The following LYRM7 variants were observed in gnomAD, a reference collection of about 807,000 sequenced individuals.
LYRM7 encodes the protein complex III assembly factor LYRM7.
A neutral mutation model predicts 15.8 loss-of-function variants in LYRM7; 9 were observed. The observed-to-expected ratio is 0.57, with a 90% CI of 0.34 to 0.99. The LOEUF (loss-of-function observed/expected upper bound fraction) is 0.99, where lower values mean the gene tolerates loss of function less well. Ranked by LOEUF, LYRM7 falls within the 50% of genes least tolerant of loss-of-function variation. The probability of loss-of-function intolerance (pLI) is 0.02; values close to 1 mark genes in which losing one functional copy is unlikely to be tolerated. For missense variants in LYRM7, 115 were observed against 119.1 expected (o/e 0.97, Z 0.16); for synonymous variants, 39 against 39.4 (o/e 0.99, Z 0.04).
chr5:131,185,561 T>A (rs776019480), intron 3 of LYRM7, among the ~76,000 whole-genome samples: 6 of 152,216 alleles, frequency 3.9e-5, no homozygotes, highest in Non-Finnish European at 8.8e-5. Flanking sequence ...ATACTACAGA[T>A]CTTCCAGATA....
At chr5:131,181,454 A>T (rs1329723496) in intron 2 of LYRM7, among the ~76,000 whole-genome samples, 3 of 126,816 alleles carry the variant, frequency 2.4e-5, no homozygotes, top group Admixed American at 8.8e-5. Flanking sequence ...ATATATATAA[A>T]ACATATATAT....
At chr5:131,173,459 A>G (rs1044922291) in intron 1 of LYRM7, among the ~76,000 whole-genome samples, 2 of 152,224 alleles carry the variant, frequency 1.3e-5, no homozygotes, top group African/African-American at 2.4e-5. Flanking sequence ...GAAAGTACAT[A>G]TGTTGGCTGG....
chr5:131,197,423 G>A (rs776656344), intron 4 of LYRM7, among the ~76,000 whole-genome samples: 5 of 151,912 alleles, frequency 3.3e-5, no homozygotes, highest in Non-Finnish European at 5.9e-5. Flanking sequence ...ATTTCAGTAA[G>A]CCAAATTTAT....
chr5:131,202,309 A>G lies in LYRM7; in HGVS notation c.*2708A>G, dbSNP rs1445042278. 1 of 152,078 alleles carries G rather than the reference A, an allele frequency of 6.6e-6. No individual in the cohort carries two copies. The highest frequency in any genetic ancestry group is 1.9e-4 in the East Asian group (1 of 5,172). 9.4% of individuals were successfully genotyped at this position (152,078 alleles called of 1,614,324 possible). A position where few individuals can be genotyped will look rare whatever the true frequency, so the allele number is the denominator to read the frequency against. ...CGGAAGTTCGAGACCAGCCCAACCA[A>G]CGTGGAGAAACCCCATCTCTATTAA... is the stretch of plus-strand genomic sequence containing the variant. On this transcript the variant is annotated 3_prime_UTR_variant, in exon 5 of 5. Transcript: ENST00000379380.
chr5:131,181,316 T>TATATATATATATACAC lies in LYRM7; in HGVS notation c.92-912_92-911insTATATATATATACACA, dbSNP rs1208669077. On this transcript the variant is annotated intron_variant, in intron 2 of 4. Transcript: ENST00000379380. ...AAAAAAAAAAAAATATATATATATA[T>TATATATATATATACAC]ACACACACACACACATATATATAAC... Among the ~76,000 whole-genome samples the TATATATATATATACAC allele has an allele frequency of 1.7e-3, 48 of 27,636 alleles. 2 individuals are homozygous for TATATATATATATACAC. The highest frequency in any genetic ancestry group is 2.4e-3 in the Non-Finnish European group (32 of 13,088). The allele number at this position is 27,636 out of a possible 152,430, so 18.1% of individuals were successfully genotyped here. A position where few individuals can be genotyped will look rare whatever the true frequency, so the allele number is the denominator to read the frequency against.
In LYRM7 at chr5:131,203,176, A is replaced by C. The variant is rs1215606533; in HGVS notation, c.*3575A>C. The C allele has an allele frequency of 6.6e-6, 1 of 152,486 alleles. No homozygotes were observed. The highest frequency in any genetic ancestry group is 6.5e-5 in the Admixed American group (1 of 15,300). 9.4% of individuals were successfully genotyped at this position (152,486 alleles called of 1,614,324 possible). Reference sequence around the variant, plus strand: ...CCAGTTCTGAAGGTGAGTTTTCTGAAGCCAAAGTGGATACATGCAAAATTA... The same window carrying C: ...CCAGTTCTGAAGGTGAGTTTTCTGACGCCAAAGTGGATACATGCAAAATTA... On this transcript the variant is annotated 3_prime_UTR_variant, in exon 5 of 5. Coordinates refer to ENST00000379380, the MANE Select transcript of LYRM7 (RefSeq NM_181705.4).
intron 3 of LYRM7, among the ~76,000 whole-genome samples, chr5:131,185,241 A>G (rs780550806): frequency 3.9e-5 from 6 of 152,174 alleles, no homozygotes; most frequent in Non-Finnish European, 7.4e-5. Flanking sequence ...AGAAAAATCT[A>G]AAGTGCTTAA....
chr5:131,181,322 C>T (rs1163766311), intron 2 of LYRM7, among the ~76,000 whole-genome samples: 1,750 of 43,672 alleles, frequency 0.04, 218 homozygotes, highest in African/African-American at 0.14. Flanking sequence ...TATATACACA[C>T]ACACACACAT....
At position 131,181,275 on chromosome 5, in the gene LYRM7, G is replaced by GAAAA. The variant is rs1195878324; in HGVS notation, c.92-929_92-926dup. Among the ~76,000 whole-genome samples the GAAAA allele has an allele frequency of 1.2e-3, 10 of 8,342 alleles. 2 individuals are homozygous for GAAAA. The highest frequency in any genetic ancestry group is 1.4e-3 in the Non-Finnish European group (5 of 3,620). The allele number at this position is 8,342 out of a possible 152,430, so 5.5% of individuals were successfully genotyped here. A position where few individuals can be genotyped will look rare whatever the true frequency, so the allele number is the denominator to read the frequency against. The stretch of plus-strand genomic sequence containing the variant: ...TGGGCGACAAAGCAAGACTCCATCT[G>GAAAA]AAAAAAAAAAAAAAAAAAAAAAAAA... On this transcript the variant is annotated intron_variant, in intron 2 of 4. Transcript: ENST00000379380.
In LYRM7 at chr5:131,202,787, A is replaced by G. The variant is rs949090824; in HGVS notation, c.*3186A>G. 2 of 152,354 alleles carry G rather than the reference A, an allele frequency of 1.3e-5. No individual in the cohort carries two copies. Among genetic ancestry groups the G allele is most frequent in the Non-Finnish European group, 1.5e-5 (1 of 68,034 alleles). 9.4% of individuals were successfully genotyped at this position (152,354 alleles called of 1,614,324 possible). A position where few individuals can be genotyped will look rare whatever the true frequency, so the allele number is the denominator to read the frequency against. On this transcript the variant is annotated 3_prime_UTR_variant, in exon 5 of 5. Transcript: ENST00000379380. ...TATTGAGATCTAGTGAAAGTGGGGT[A>G]TATGAATTCTAATTGCAAATATCCA...
chr5:131,192,469 GC>G (rs1357608601), intron 4 of LYRM7, among the ~76,000 whole-genome samples: 4 of 152,094 alleles, frequency 2.6e-5, no homozygotes, highest in Non-Finnish European at 1.5e-5. Flanking sequence ...TCATAGATAT[GC>G]TAATTACCCT....
Position 131,204,773 on chromosome 5 carries a change from G to A in LYRM7, c.*5172G>A, listed in dbSNP as rs1756147588. The A allele has an allele frequency of 6.6e-6, 1 of 151,144 alleles. No individual in the cohort carries two copies. Among genetic ancestry groups the A allele is most frequent in the East Asian group, 1.9e-4 (1 of 5,314 alleles). The allele number at this position is 151,144 out of a possible 1,614,324, so 9.4% of individuals were successfully genotyped here. A position where few individuals can be genotyped will look rare whatever the true frequency, so the allele number is the denominator to read the frequency against. On this transcript the variant is annotated 3_prime_UTR_variant, in exon 5 of 5. Coordinates refer to ENST00000379380, the MANE Select transcript of LYRM7 (RefSeq NM_181705.4). Reference sequence around the variant, plus strand: ...GTGTGTGTGTGTGTAAGCAGGTGTTGCTAGAAATTCACTTATATACAAGAA... The same window carrying A: ...GTGTGTGTGTGTGTAAGCAGGTGTTACTAGAAATTCACTTATATACAAGAA...
chr5:131,201,887 T>C lies in LYRM7; in HGVS notation c.*2286T>C, dbSNP rs1212410627. 6.6e-6 allele frequency: 1 copy of C among 152,170 alleles called. No homozygotes were observed. Among genetic ancestry groups the C allele is most frequent in the Non-Finnish European group, 1.5e-5 (1 of 68,056 alleles). 9.4% of individuals were successfully genotyped at this position (152,170 alleles called of 1,614,324 possible). On this transcript the variant is annotated 3_prime_UTR_variant, in exon 5 of 5. Transcript: ENST00000379380. ...TTCTGCTGTGTCACCCAGGTTGGAG[T>C]GCAGTGGCATGGTCATGGTCCACTA...
At chr5:131,182,357 A>G (rs1364659310) in intron 3 of LYRM7, 58 bp downstream of exon 3, 18 of 1,264,812 alleles carry the variant, frequency 1.4e-5, no homozygotes, top group Admixed American at 1.0e-4. Context: ...CAAAGAGGAA[A>G]TGATGAAGAT....
Position 131,201,755 on chromosome 5 carries a change from T to C in LYRM7, c.*2154T>C, listed in dbSNP as rs913160007. ...AAATAAATAAAGTTCCTGTGAAGTA[T>C]ATAAACATGTCAACAACAGGCTTGA... On this transcript the variant is annotated 3_prime_UTR_variant, in exon 5 of 5. Coordinates refer to ENST00000379380, the MANE Select transcript of LYRM7 (RefSeq NM_181705.4). The C allele has an allele frequency of 6.6e-6, 1 of 152,192 alleles. No homozygotes were observed. Among genetic ancestry groups the C allele is most frequent in the African/African-American group, 2.4e-5 (1 of 41,442 alleles). 9.4% of individuals were successfully genotyped at this position (152,192 alleles called of 1,614,324 possible).
At chr5:131,180,910 T>C (rs1045201569) in intron 2 of LYRM7, among the ~76,000 whole-genome samples, 11 of 152,248 alleles carry the variant, frequency 7.2e-5, no homozygotes, top group African/African-American at 2.6e-4. Flanking sequence ...CTGTCCCACA[T>C]CATACTGAGT....
intron 4 of LYRM7, among the ~76,000 whole-genome samples, chr5:131,197,846 C>CTGTGTGTGTGTGTGTGTGTGTGTGTGTG (rs56146861): frequency 7.0e-6 from 1 of 143,290 alleles, no homozygotes; most frequent in Non-Finnish European, 1.5e-5. Flanking sequence ...CATCTGGCCA[C>CTGTGTGTGTGTGTGTGTGTGTGTGTGTG]TGTGTGTGTG....
Position 131,201,955 on chromosome 5 carries a change from T to G in LYRM7, c.*2354T>G, listed in dbSNP as rs1002675586. 6.6e-6 allele frequency: 1 copy of G among 152,048 alleles called. No individual in the cohort carries two copies. The highest frequency in any genetic ancestry group is 2.4e-5 in the African/African-American group (1 of 41,400). 9.4% of individuals were successfully genotyped at this position (152,048 alleles called of 1,614,324 possible). A position where few individuals can be genotyped will look rare whatever the true frequency, so the allele number is the denominator to read the frequency against. ...GCTCAGCAGTTATGCCAACTAAGCC[T>G]CCCAAATAGCTGAGACTAGAGGTAT... is the stretch of plus-strand genomic sequence containing the variant. On this transcript the variant is annotated 3_prime_UTR_variant, in exon 5 of 5. Transcript: ENST00000379380.
chr5:131,194,426 T>C (rs1297992471), intron 4 of LYRM7, among the ~76,000 whole-genome samples: 1 of 152,244 alleles, frequency 6.6e-6, no homozygotes, highest in East Asian at 1.9e-4. Flanking sequence ...CAAATAACGC[T>C]GCTTTGTTTC....
Sources: gnomAD v4.1 joint callset for allele counts (sites outside exome capture counted in the v4.1 genomes callset) on GRCh38, gnomAD v4.1.1 for gene constraint, MANE v1.5 for transcripts, NCBI Gene and HGNC (gene_info 2026-07-23, HGNC 2026-07-21) for gene names.